The following MLKL variants were observed in gnomAD, a reference collection of about 807,000 sequenced individuals.
The protein encoded by MLKL is mixed lineage kinase domain like pseudokinase, also known as mixed lineage kinase domain-like protein.
MLKL carries 55 observed loss-of-function variants against 56.5 expected under a neutral mutation model. That is an observed-to-expected ratio of 0.97 (90% CI 0.78 to 1.22). The LOEUF (loss-of-function observed/expected upper bound fraction) is 1.22. MLKL is among the 50% of genes most tolerant of loss of function. The pLI is 0.00. For synonymous variants in MLKL, 251 were observed against 208.3 expected (o/e 1.20, Z -1.76); for missense variants, 694 against 573.9 (o/e 1.21, Z -2.14).
intron 10 of MLKL, among the ~76,000 whole-genome samples, chr16:74,672,888 C>A (rs1401678635): frequency 6.6e-6 from 1 of 152,160 alleles, no homozygotes; most frequent in Non-Finnish European, 1.5e-5. Context: ...TTGTATAAAT[C>A]ACTGTTGGCT....
intron 2 of MLKL, among the ~76,000 whole-genome samples, 178 bp downstream of exon 2, chr16:74,695,120 C>G (rs1218069015): frequency 1.3e-5 from 2 of 152,232 alleles, no homozygotes; most frequent in African/African-American, 4.8e-5. Context: ...GATCAGCCCG[C>G]CTCGGCCTCC....
intron 6 of MLKL, among the ~76,000 whole-genome samples, chr16:74,681,743 G>A (rs1488839783): frequency 2.6e-5 from 4 of 151,688 alleles, no homozygotes; most frequent in South Asian, 2.1e-4. Flanking sequence ...GCAGTGAGCC[G>A]AGATCGTGCC....
In MLKL at chr16:74,672,168, C is replaced by T; in HGVS notation, c.*336G>A. On this transcript the variant is annotated 3_prime_UTR_variant, in exon 11 of 11. Transcript: ENST00000308807. ...CCACATTCTATTGATCAAATCAAGT[C>T]ACAGTGCCAGCCCAGATTCAAATGG... is the stretch of plus-strand genomic sequence containing the variant. 1 of 230,854 alleles carries T rather than the reference C, an allele frequency of 4.3e-6. No homozygotes were observed. Among genetic ancestry groups the T allele is most frequent in the South Asian group, 8.9e-5 (1 of 11,186 alleles). The allele number at this position is 230,854 out of a possible 1,614,324, so 14.3% of individuals were successfully genotyped here.
Position 74,682,840 on chromosome 16 carries a change from T to A in MLKL, c.821-54A>T, listed in dbSNP as rs1238548686. ...GACCCGCCCTACTTGAAGCTTCCCA[T>A]GTCTGCAGCCCACCTCTCCCAGCCT... On this transcript the variant is annotated intron_variant, in intron 5 of 10. Transcript: ENST00000308807. 5.0e-6 allele frequency: 8 copies of A among 1,599,430 alleles called. No homozygotes were observed. In the East Asian group the frequency reaches 1.1e-4, roughly 22 times the overall value.
In MLKL at chr16:74,682,767, G is replaced by C. The variant is rs1200372097; in HGVS notation, c.840C>G (p.Ser280=). 6.2e-7 allele frequency: 1 copy of C among 1,613,920 alleles called. No homozygotes were observed. The highest frequency in any genetic ancestry group is 8.5e-7 in the Non-Finnish European group (1 of 1,180,006). ...IDETVTPPQF[S]IVMEYCELGT... is the part of the protein sequence containing the mutation. ...CGAGTTCACAGTACTCCATGACAAT[G>C]GAGAATTGAGGCGGAGTCACTGGTG... Residue 280 remains serine, a synonymous_variant, in exon 6 of 11, where the codon TCC becomes TCG. Transcript: ENST00000308807.
Position 74,672,271 on chromosome 16 carries a change from C to T in MLKL, c.*233G>A, listed in dbSNP as rs1006031213. 1.3e-4 allele frequency: 60 copies of T among 451,136 alleles called. 3 individuals are homozygous for T. The South Asian group carries it at 2.3e-3, about 17-fold the overall frequency. The allele number at this position is 451,136 out of a possible 1,614,324, so 27.9% of individuals were successfully genotyped here. ...AGAGGTGTGGATACCCAGAAAGATA[C>T]ATTTGACAAACCATCTATCAAAGTT... On this transcript the variant is annotated 3_prime_UTR_variant, in exon 11 of 11. Transcript: ENST00000308807.
At chr16:74,673,952 TAAAA>T (rs5817923) in intron 10 of MLKL, among the ~76,000 whole-genome samples, 1,599 of 104,644 alleles carry the variant, frequency 0.015, 19 homozygotes, top group South Asian at 0.027. Flanking sequence ...ACCTCCTCTC[TAAAA>T]AAAAAAAAAA....
At chr16:74,699,126 A>G (rs1961227443) in intron 1 of MLKL, among the ~76,000 whole-genome samples, 1 of 151,938 alleles carries the variant, frequency 6.6e-6, no homozygotes, top group South Asian at 2.1e-4. Context: ...AACAAAAACA[A>G]AAACAAAAAA....
At chr16:74,675,437 A>G in intron 8 of MLKL, 33 bp from the exon 9 acceptor site, 1 of 1,609,056 alleles carries the variant, frequency 6.2e-7, no homozygotes, top group South Asian at 1.1e-5. Context: ...AACAACCATA[A>G]CTAGTCTCCC....
In MLKL at chr16:74,691,402, C is replaced by T. The variant is rs149749572; in HGVS notation, c.597G>A (p.Glu199=). 1.2e-6 allele frequency: 2 copies of T among 1,613,928 alleles called. No individual in the cohort carries two copies. Among genetic ancestry groups the T allele is most frequent in the Admixed American group, 3.3e-5 (2 of 60,000 alleles). ...PQEQIKEIKK[E]QLSGSPWILL... ...GAATCCACGGGGATCCTGAAAGCTG[C>T]TCCTTCTTGATCTCCTTGATTTGCT... is the stretch of plus-strand genomic sequence containing the variant. The change falls in exon 4 of 11, where the codon GAG becomes GAA. Residue 199 remains glutamate (E), a synonymous_variant. Transcript: ENST00000308807.
chr16:74,674,365 G>A (rs1336658737), intron 10 of MLKL, among the ~76,000 whole-genome samples: 1 of 151,716 alleles, frequency 6.6e-6, no homozygotes, highest in Non-Finnish European at 1.5e-5. Context: ...GCTGGCCAGG[G>A]TGGTCTCAAA....
chr16:74,685,585 T>C lies in MLKL; in HGVS notation c.723-2A>G. 1 of 1,608,092 alleles carries C rather than the reference T, an allele frequency of 6.2e-7. No homozygotes were observed. ...TTATTGAAAGTCTGCCTCACTATTC[T>C]ATAAGGATTAAAGAGAGAAATCAGG... On this transcript the variant is annotated splice_acceptor_variant, in intron 4 of 10. Transcript: ENST00000308807. LOFTEE classifies it high-confidence loss of function.
chr16:74,674,945 C>T lies in MLKL; in HGVS notation c.1381+15G>A, dbSNP rs1419894771. ...ATGATGGGGCTCACGCTCTTTACAC[C>T]AGAAAGAACCCTACCATCCACAGAG... On this transcript the variant is annotated intron_variant, in intron 10 of 10. Coordinates refer to ENST00000308807, the MANE Select transcript of MLKL (RefSeq NM_152649.4). The T allele has an allele frequency of 1.2e-6, 2 of 1,609,144 alleles. No homozygotes were observed. Among genetic ancestry groups the T allele is most frequent in the South Asian group, 1.1e-5 (1 of 90,198 alleles).
At chr16:74,685,604 A>C (rs773374088) in intron 4 of MLKL, 21 bp from the exon 5 acceptor site, 1 of 1,593,808 alleles carries the variant, frequency 6.3e-7, no homozygotes, top group Non-Finnish European at 8.6e-7. Flanking sequence ...TAAAGAGAGA[A>C]ATCAGGATTT....
chr16:74,684,099 C>T (rs1049940529), intron 5 of MLKL, among the ~76,000 whole-genome samples: 1 of 151,876 alleles, frequency 6.6e-6, no homozygotes. Context: ...AGGCACCCAC[C>T]ACCACGCCCA....
At chr16:74,699,572 T>C (rs961033878) in intron 1 of MLKL, among the ~76,000 whole-genome samples, 4 of 152,166 alleles carry the variant, frequency 2.6e-5, no homozygotes, top group African/African-American at 9.7e-5. Context: ...GAAAAGCTTG[T>C]GTTTGTAGAT....
At chr16:74,691,147 G>T in intron 4 of MLKL, 130 bp downstream of exon 4, 1 of 767,222 alleles carries the variant, frequency 1.3e-6, no homozygotes, top group Non-Finnish European at 2.1e-6. Flanking sequence ...CTCCTTAACA[G>T]TGGAGAGCAC....
rs1315659397 is a variant in MLKL, at chr16:74,674,957, T to C, written c.1381+3A>G. 9 of 1,612,686 alleles carry C rather than the reference T, an allele frequency of 5.6e-6. No homozygotes were observed. The highest frequency in any genetic ancestry group is 7.6e-6 in the Non-Finnish European group (9 of 1,179,638). ...ACGCTCTTTACACCAGAAAGAACCCTACCATCCACAGAGGGCCGCACAGAG... is the reference window on the plus strand; with the variant it reads ...ACGCTCTTTACACCAGAAAGAACCCCACCATCCACAGAGGGCCGCACAGAG... On this transcript the variant is annotated splice_donor_region_variant and intron_variant, in intron 10 of 10. Coordinates refer to ENST00000308807, the MANE Select transcript of MLKL (RefSeq NM_152649.4).
chr16:74,695,188 A>T (rs1319366268), intron 2 of MLKL, 110 bp downstream of exon 2: 10 of 1,184,684 alleles, frequency 8.4e-6, no homozygotes, highest in Non-Finnish European at 1.2e-5. Flanking sequence ...TTTGAGGTAC[A>T]AGTATATTAC....
Sources: allele counts gnomAD v4.1 joint callset (sites outside exome capture counted in the v4.1 genomes callset), GRCh38; gene constraint gnomAD v4.1.1; transcripts MANE v1.5; gene names NCBI Gene and HGNC (gene_info 2026-07-23, HGNC 2026-07-21).